The following AGBL4 variants were observed in gnomAD, a reference collection of about 807,000 sequenced individuals.
AGBL4 encodes the protein AGBL carboxypeptidase 4.
In AGBL4, 58 loss-of-function variants were observed where a neutral mutation model predicts 66.4. The observed-to-expected ratio is 0.87, with a 90% confidence interval of 0.71 to 1.09. AGBL4 has a LOEUF of 1.09. AGBL4 is among the 50% of genes least tolerant of loss of function. AGBL4 has a pLI of 0.00. For synonymous variants in AGBL4, 234 were observed against 222.9 expected, an observed-to-expected ratio of 1.05 and a Z score of -0.44; for missense variants, 579 against 631.0, an observed-to-expected ratio of 0.92 and a Z score of 0.88.
chr1:49,446,010 C>G (rs978672072), intron 3 of AGBL4, among the ~76,000 whole-genome samples: 3 of 152,046 alleles, frequency 2.0e-5, no homozygotes, highest in Non-Finnish European at 4.4e-5. Context: ...TGCCACCATG[C>G]CTGACTAATT....
chr1:49,214,939 G>T (rs892457290), intron 4 of AGBL4, among the ~76,000 whole-genome samples: 1 of 152,090 alleles, frequency 6.6e-6, no homozygotes, highest in Non-Finnish European at 1.5e-5. Flanking sequence ...GTTCTCATTT[G>T]TCTGAAGTTG....
intron 3 of AGBL4, among the ~76,000 whole-genome samples, chr1:49,291,988 T>C (rs1313162161): frequency 6.6e-6 from 1 of 152,230 alleles, no homozygotes; most frequent in African/African-American, 2.4e-5. Flanking sequence ...AAACCGTGTT[T>C]GCAGACTCCC....
chr1:49,532,859 T>C (rs1472136564), intron 3 of AGBL4, among the ~76,000 whole-genome samples: 2 of 151,062 alleles, frequency 1.3e-5, no homozygotes, highest in South Asian at 2.1e-4. Context: ...CTTTCCATTT[T>C]GCATGGGCAC....
chr1:49,849,663 A>C (rs1646256999), intron 2 of AGBL4, among the ~76,000 whole-genome samples: 1 of 152,104 alleles, frequency 6.6e-6, no homozygotes, highest in Admixed American at 6.6e-5. Flanking sequence ...GCATAGATCT[A>C]ACTGATACAA....
intron 6 of AGBL4, among the ~76,000 whole-genome samples, chr1:48,732,903 A>G (rs1008963976): frequency 1.3e-5 from 2 of 152,180 alleles, no homozygotes; most frequent in African/African-American, 2.4e-5. Context: ...AGAGATGGGA[A>G]GAAATCCCCA....
chr1:49,841,240 CCATTTATTATA>C (rs1160943122), intron 2 of AGBL4, among the ~76,000 whole-genome samples: 1 of 152,084 alleles, frequency 6.6e-6, no homozygotes, highest in African/African-American at 2.4e-5. Context: ...GAACACAATT[CCATTTATTATA>C]CACTAGCCAC....
chr1:48,579,051 G>A (rs528895293), intron 11 of AGBL4, among the ~76,000 whole-genome samples: 26 of 152,118 alleles, frequency 1.7e-4, no homozygotes, highest in African/African-American at 5.5e-4. Context: ...TCTCCAGAAC[G>A]TCAGGCCTTT....
chr1:48,845,778 A>C lies in AGBL4; in HGVS notation c.634+21413T>G, dbSNP rs142740072. 5.0e-3 allele frequency among the ~76,000 whole-genome samples: 759 copies of C among 152,336 alleles called. 8 individuals carry two copies. The highest frequency in any genetic ancestry group is 6.9e-3 in the Non-Finnish European group (468 of 68,034). On this transcript the variant is annotated intron_variant, in intron 6 of 13. Coordinates refer to ENST00000371839, the MANE Select transcript of AGBL4 (RefSeq NM_032785.4). ...TGGGTTCAAATTCCACCTTTGCTAC[A>C]GGCCATGAAACTTTGGGCAAGTTAT...
intron 2 of AGBL4, among the ~76,000 whole-genome samples, chr1:49,708,323 C>G (rs533948530): frequency 6.6e-6 from 1 of 151,850 alleles, no homozygotes; most frequent in African/African-American, 2.4e-5. Flanking sequence ...ATCTGATATA[C>G]TTTCTTCTGC....
chr1:49,579,567 T>G (rs371617440), intron 3 of AGBL4, among the ~76,000 whole-genome samples: 1 of 152,196 alleles, frequency 6.6e-6, no homozygotes, highest in Non-Finnish European at 1.5e-5. Context: ...TGGTGCTATC[T>G]TGGCTCACTG....
chr1:49,112,469 T>A (rs61783566), intron 4 of AGBL4, among the ~76,000 whole-genome samples: 4,928 of 152,266 alleles, frequency 0.032, 115 homozygotes, highest in Non-Finnish European at 0.047. Context: ...AACAATAAAC[T>A]TTGCTGCATC....
At chr1:49,138,672 C>T (rs761248151) in intron 4 of AGBL4, among the ~76,000 whole-genome samples, 28 of 152,144 alleles carry the variant, frequency 1.8e-4, no homozygotes, top group Non-Finnish European at 2.8e-4. Flanking sequence ...CATTTCCAGA[C>T]TCATATATCC....
intron 3 of AGBL4, among the ~76,000 whole-genome samples, chr1:49,291,930 G>A (rs1189007434): frequency 6.6e-6 from 1 of 152,200 alleles, no homozygotes; most frequent in East Asian, 1.9e-4. Context: ...ACACTCTACA[G>A]AGCAGGTAGG....
chr1:48,726,930 G>T (rs1476189966), intron 6 of AGBL4, among the ~76,000 whole-genome samples: 1 of 152,224 alleles, frequency 6.6e-6, no homozygotes. Context: ...AAAGCAGGCA[G>T]GGGAGCCAGG....
intron 4 of AGBL4, among the ~76,000 whole-genome samples, chr1:49,088,137 AG>A (rs955962024): frequency 1.3e-5 from 2 of 152,172 alleles, no homozygotes; most frequent in African/African-American, 4.8e-5. Context: ...AACACACTTA[AG>A]TATATAGAGT....
rs576445775 is a variant in AGBL4, at chr1:49,469,154, T to C, written c.283-223290A>G. On this transcript the variant is annotated intron_variant, in intron 3 of 13. Coordinates refer to ENST00000371839, the MANE Select transcript of AGBL4 (RefSeq NM_032785.4). Reference sequence around the variant, plus strand: ...GTTACAATGATGTGACTGTTGTTAGTATACTTAAGTGTTTATGCTTGCAAA... The same window carrying C: ...GTTACAATGATGTGACTGTTGTTAGCATACTTAAGTGTTTATGCTTGCAAA... 2.9e-4 allele frequency among the ~76,000 whole-genome samples: 44 copies of C among 152,036 alleles called. No individual in the cohort carries two copies. In the South Asian group the frequency reaches 6.4e-3, roughly 22 times the overall value.
At chr1:49,802,960 T>C (rs1429413838) in intron 2 of AGBL4, among the ~76,000 whole-genome samples, 1 of 152,148 alleles carries the variant, frequency 6.6e-6, no homozygotes, top group Non-Finnish European at 1.5e-5. Flanking sequence ...AATAGATACA[T>C]AGCATTTTTA....
intron 1 of AGBL4, among the ~76,000 whole-genome samples, chr1:49,936,902 C>A (rs990812941): frequency 2.0e-5 from 3 of 152,140 alleles, no homozygotes; most frequent in Admixed American, 1.3e-4. Flanking sequence ...ATTATACAGA[C>A]CATCGAGGCT....
rs1644889731 is a variant in AGBL4 at position 49,802,658 on chromosome 1, C to T, written c.157+48738G>A. On this transcript the variant is annotated intron_variant, in intron 2 of 13. Transcript: ENST00000371839. ...TGACCCTAAATCCCTCACTAACCTA[C>T]CCCCGCCCTCACTAAACTTAATAAT... Among the ~76,000 whole-genome samples, 3 of 152,140 alleles carry T rather than the reference C, an allele frequency of 2.0e-5. No individual in the cohort carries two copies. The South Asian group carries it at 6.2e-4, about 31-fold the overall frequency.
Sources: gnomAD v4.1 joint callset for allele counts (sites outside exome capture counted in the v4.1 genomes callset) on GRCh38, gnomAD v4.1.1 for gene constraint, MANE v1.5 for transcripts, NCBI Gene and HGNC (gene_info 2026-07-23, HGNC 2026-07-21) for gene names.